Variants in MTM1 observed in about 807,000 individuals in gnomAD.
The protein encoded by MTM1 is myotubularin 1, also known as myotubularin.
A neutral mutation model predicts 52.1 loss-of-function variants in MTM1; 9 were observed. The observed-to-expected ratio is 0.17, with a 90% CI of 0.10 to 0.30. MTM1 has a LOEUF of 0.30. MTM1 is among the 10% of genes least tolerant of loss of function. The pLI is 1.00. For synonymous variants in MTM1, 136 were observed against 163.8 expected (o/e 0.83, Z 1.29); for missense variants, 277 against 470.7 (o/e 0.59, Z 3.81).
intron 6 of MTM1, among the ~76,000 whole-genome samples, chrX:150,628,668 C>T (rs1244720072): frequency 1.8e-5 from 2 of 111,020 alleles, no homozygotes; most frequent in Non-Finnish European, 3.8e-5. Flanking sequence ...TCATTGTCCT[C>T]TTGTTCATTC....
intron 6 of MTM1, among the ~76,000 whole-genome samples, chrX:150,628,435 A>G (rs1192793357): frequency 1.8e-5 from 2 of 110,934 alleles, no homozygotes; most frequent in Non-Finnish European, 3.8e-5. Flanking sequence ...CCATCTAGAC[A>G]TGGGTTTTCT....
At chrX:150,604,140 C>T (rs1557412786) in intron 4 of MTM1, among the ~76,000 whole-genome samples, 2 of 111,824 alleles carry the variant, frequency 1.8e-5, no homozygotes, top group Non-Finnish European at 3.8e-5. Flanking sequence ...GGGTCTTTCT[C>T]GCAGTCCTCT....
chrX:150,583,132 T>C (rs1456875242), intron 1 of MTM1, among the ~76,000 whole-genome samples: 1 of 80,756 alleles, frequency 1.2e-5, no homozygotes, highest in Non-Finnish European at 2.2e-5. Flanking sequence ...AATTATATAT[T>C]ATATAAATTA....
chrX:150,654,167 G>C (rs1389559453), intron 10 of MTM1, among the ~76,000 whole-genome samples: 1 of 112,195 alleles, frequency 8.9e-6, no homozygotes, highest in Non-Finnish European at 1.9e-5. Context: ...AGTTTTATTA[G>C]ATAATTATAG....
At chrX:150,661,490 C>T (rs1379721971) in intron 13 of MTM1, among the ~76,000 whole-genome samples, 2 of 112,097 alleles carry the variant, frequency 1.8e-5, no homozygotes, top group Non-Finnish European at 3.8e-5. Flanking sequence ...TCTGCAATCT[C>T]ATGTATATTG....
At chrX:150,660,151 C>T (rs1468701754) in intron 12 of MTM1, among the ~76,000 whole-genome samples, 1 of 111,732 alleles carries the variant, frequency 8.9e-6, no homozygotes, top group Non-Finnish European at 1.9e-5. Flanking sequence ...CTGTTTATCT[C>T]ATTTTCCTCT....
intron 1 of MTM1, among the ~76,000 whole-genome samples, chrX:150,585,090 AGT>A (rs200639941): frequency 1.9e-5 from 2 of 108,058 alleles, no homozygotes; most frequent in Non-Finnish European, 3.8e-5. Flanking sequence ...AGAGAGAAAG[AGT>A]GTGTGTGTGT....
chrX:150,621,935 G>A (rs2039487754), intron 6 of MTM1, among the ~76,000 whole-genome samples: 1 of 111,763 alleles, frequency 8.9e-6, no homozygotes, highest in African/African-American at 3.3e-5. Flanking sequence ...ACATCTGCAT[G>A]GGAGTTTTGT....
In MTM1 at chrX:150,660,351, G is replaced by T. The variant is rs781883906; in HGVS notation, c.1354-20G>T. On this transcript the variant is annotated intron_variant, in intron 12 of 14. Transcript: ENST00000370396. ...TTTCAGTCCCAGTTTTTCATGCTTT[G>T]TTTGCTTGTTTTTGTTTAGTTCCCT... The T allele has an allele frequency of 1.0e-6, 1 of 998,719 alleles. No individual in the cohort carries two copies. The highest frequency in any genetic ancestry group is 1.9e-5 in the South Asian group (1 of 52,319). The allele number at this position is 998,719 out of a possible 1,213,427, so 82.3% of individuals were successfully genotyped here.
intron 1 of MTM1, among the ~76,000 whole-genome samples, chrX:150,568,870 C>T (rs941688061): frequency 9.7e-5 from 11 of 113,187 alleles, no homozygotes; most frequent in African/African-American, 3.5e-4. Flanking sequence ...CAGGCAGGTA[C>T]CTCCGGCTTC....
At chrX:150,615,884 G>A (rs782366574) in intron 5 of MTM1, among the ~76,000 whole-genome samples, 3 of 111,108 alleles carry the variant, frequency 2.7e-5, no homozygotes, top group African/African-American at 9.8e-5. Context: ...CTACCTTAAT[G>A]CTTTATCTAT....
chrX:150,650,805 C>G (rs1219265211), intron 10 of MTM1, among the ~76,000 whole-genome samples: 1 of 111,966 alleles, frequency 8.9e-6, no homozygotes, highest in African/African-American at 3.2e-5. Flanking sequence ...CCTAAAATAT[C>G]CTGCTATTCC....
chrX:150,670,564 C>T (rs1266835379), intron 14 of MTM1, among the ~76,000 whole-genome samples: 1 of 111,835 alleles, frequency 8.9e-6, no homozygotes, highest in Non-Finnish European at 1.9e-5. Flanking sequence ...CGTGACATAC[C>T]ATGTCACAGC....
intron 5 of MTM1, among the ~76,000 whole-genome samples, chrX:150,615,293 G>T (rs1176781824): frequency 9.0e-6 from 1 of 111,441 alleles, no homozygotes; most frequent in African/African-American, 3.3e-5. Flanking sequence ...GATAATTTCT[G>T]AAGGCTGGGA....
chrX:150,591,467 C>T lies in MTM1; in HGVS notation c.-10-1138C>T, dbSNP rs1184011669. ...CAGTCCTAACCTTGTAAGATGGCCC[C>T]TATCTGGCCATCTCCCCACCTCTTC... On this transcript the variant is annotated intron_variant, in intron 1 of 14. Transcript: ENST00000370396. Among the ~76,000 whole-genome samples, 3 of 112,745 alleles carry T rather than the reference C, an allele frequency of 2.7e-5. No homozygotes were observed. The East Asian group carries it at 8.3e-4, about 31-fold the overall frequency.
intron 1 of MTM1, among the ~76,000 whole-genome samples, chrX:150,589,381 G>A (rs958831073): frequency 9.0e-6 from 1 of 111,587 alleles, no homozygotes; most frequent in African/African-American, 3.3e-5. Flanking sequence ...GTCTACCTCT[G>A]GTTAGAATGC....
At chrX:150,601,024 G>A (rs2039058486) in intron 4 of MTM1, among the ~76,000 whole-genome samples, 1 of 112,253 alleles carries the variant, frequency 8.9e-6, no homozygotes. Context: ...GCTATCTGAA[G>A]AAAGGGATTA....
intron 1 of MTM1, among the ~76,000 whole-genome samples, chrX:150,582,343 G>A (rs782651640): frequency 7.1e-5 from 8 of 111,959 alleles, no homozygotes; most frequent in African/African-American, 2.3e-4. Context: ...AATGCTTATG[G>A]ATAGATTGAC....
chrX:150,608,803 A>G (rs1342562267), intron 4 of MTM1, among the ~76,000 whole-genome samples: 2 of 107,518 alleles, frequency 1.9e-5, no homozygotes, highest in African/African-American at 6.7e-5. Context: ...TGCCTTCCCC[A>G]GGATGATGAT....
Sources: allele counts gnomAD v4.1 joint callset (sites outside exome capture counted in the v4.1 genomes callset), GRCh38; gene constraint gnomAD v4.1.1; transcripts MANE v1.5; gene names NCBI Gene and HGNC (gene_info 2026-07-23, HGNC 2026-07-21).